Variants in HHLA1 observed in about 807,000 individuals in gnomAD.
HHLA1 encodes the protein HHLA1 neighbor of OC90.
Under a neutral mutation model 69.9 loss-of-function variants are expected in HHLA1, and 72 were observed. The ratio of observed to expected loss-of-function variants is 1.03; its 90% CI spans 0.85 to 1.25. The LOEUF (loss-of-function observed/expected upper bound fraction) is 1.25, where lower values mean the gene tolerates loss of function less well. Among genes scored for constraint, HHLA1 ranks in the 50% most tolerant of loss-of-function variants. HHLA1 has a pLI of 0.00. For synonymous variants in HHLA1, 252 were observed against 233.2 expected (o/e 1.08, Z -0.73); for missense variants, 685 against 642.2 (o/e 1.07, Z -0.72).
At chr8:132,086,810 G>A (rs1823872122) in intron 10 of HHLA1, among the ~76,000 whole-genome samples, 1 of 152,128 alleles carries the variant, frequency 6.6e-6, no homozygotes, top group South Asian at 2.1e-4. Context: ...ATCAAAAGAT[G>A]CCCTACAATA....
chr8:132,064,231 T>C (rs1345232775), intron 16 of HHLA1, among the ~76,000 whole-genome samples, 193 bp from the exon 17 acceptor site: 2 of 152,198 alleles, frequency 1.3e-5, no homozygotes, highest in Admixed American at 1.3e-4. Flanking sequence ...ACCCCATTGC[T>C]AGTTAGCATC....
intron 12 of HHLA1, among the ~76,000 whole-genome samples, chr8:132,076,993 G>A (rs1044270770): frequency 1.3e-5 from 2 of 152,074 alleles, no homozygotes; most frequent in Non-Finnish European, 2.9e-5. Context: ...AACAATTTTT[G>A]TATCATGTTC....
chr8:132,108,799 G>T (rs1327696696), intron 1 of HHLA1, among the ~76,000 whole-genome samples: 1 of 152,054 alleles, frequency 6.6e-6, no homozygotes, highest in Non-Finnish European at 1.5e-5. Context: ...AAGACGGAAA[G>T]TGGGTGCTGA....
In HHLA1 at chr8:132,079,945, G is replaced by A; in HGVS notation, c.698C>T (p.Ala233Val). Reference sequence around the variant, plus strand: ...TTTGGTTGTGGGCTTTGAAGTCCTGGCAGTTCCCCTGGTAGCTGCACCTTC... The same window carrying A: ...TTTGGTTGTGGGCTTTGAAGTCCTGACAGTTCCCCTGGTAGCTGCACCTTC... ...GVLGAATRGT[A>V]RTSKPTTKSQ... Residue 233 changes from alanine (A) to valine (V), a missense_variant, in exon 11 of 17, where the codon GCC becomes GTC. Ala to Val is a moderately conservative substitution (Grantham distance 64). Coordinates refer to ENST00000414222, the MANE Select transcript of HHLA1 (RefSeq NM_001145095.3). 1 of 1,552,326 alleles carries A rather than the reference G, an allele frequency of 6.4e-7. No individual in the cohort carries two copies. The highest frequency in any genetic ancestry group is 8.7e-7 in the Non-Finnish European group (1 of 1,147,128).
At chr8:132,088,495 T>C (rs564467102) in intron 8 of HHLA1, among the ~76,000 whole-genome samples, 46 of 152,264 alleles carry the variant, frequency 3.0e-4, no homozygotes, top group African/African-American at 1.1e-3. Flanking sequence ...ACTTCTGAAT[T>C]CCTAAACATA....
intron 4 of HHLA1, 135 bp from the exon 5 acceptor site, chr8:132,099,097 G>T: frequency 1.6e-6 from 1 of 628,234 alleles, no homozygotes; most frequent in Non-Finnish European, 2.8e-6. Flanking sequence ...CAGGCACGAG[G>T]GGTTCCAAGT....
intron 5 of HHLA1, among the ~76,000 whole-genome samples, chr8:132,096,521 T>A (rs945135783): frequency 3.3e-5 from 5 of 152,216 alleles, no homozygotes; most frequent in Admixed American, 2.0e-4. Flanking sequence ...GATTTTTTTT[T>A]AAACCAGGAA....
At chr8:132,104,042 C>T in intron 3 of HHLA1, 66 bp downstream of exon 3, 2 of 1,092,098 alleles carry the variant, frequency 1.8e-6, no homozygotes, top group South Asian at 1.3e-5. Flanking sequence ...GAAAGTCAGG[C>T]TTGGGGAAGT....
intron 10 of HHLA1, 50 bp from the exon 11 acceptor site, chr8:132,080,016 A>T: frequency 4.5e-6 from 7 of 1,551,102 alleles, no homozygotes; most frequent in Non-Finnish European, 6.1e-6. Context: ...CACTTTGGGC[A>T]TAAAAAAACT....
intron 7 of HHLA1, among the ~76,000 whole-genome samples, chr8:132,093,429 G>C (rs1823974443): frequency 6.6e-6 from 1 of 152,180 alleles, no homozygotes; most frequent in Non-Finnish European, 1.5e-5. Flanking sequence ...CTTTAGATCA[G>C]AGTTGAAAAC....
chr8:132,071,504 C>T lies in HHLA1; in HGVS notation c.1316-11G>A, dbSNP rs1395969244. 5.2e-6 allele frequency: 8 copies of T among 1,550,038 alleles called. No individual in the cohort carries two copies. Among genetic ancestry groups the T allele is most frequent in the South Asian group, 1.2e-5 (1 of 83,862 alleles). On this transcript the variant is annotated splice_polypyrimidine_tract_variant and intron_variant, in intron 14 of 16. Coordinates refer to ENST00000414222, the MANE Select transcript of HHLA1 (RefSeq NM_001145095.3). ...GTGGCTGAGGACACCCTAGAAGATG[C>T]AATCCCAGACCAATTAAATCAGTAA...
At chr8:132,101,382 C>G in intron 3 of HHLA1, 1 of 1,382,626 alleles carries the variant, frequency 7.2e-7, no homozygotes, top group East Asian at 2.6e-5. Context: ...AATGGATAAA[C>G]TGAAATCCCC....
At chr8:132,087,356 C>G (rs1289422972) in intron 10 of HHLA1, among the ~76,000 whole-genome samples, 3 of 152,046 alleles carry the variant, frequency 2.0e-5, no homozygotes, top group African/African-American at 4.8e-5. Context: ...TGGAAGGCAA[C>G]AGGGGGCAGA....
rs369879360 is a variant in HHLA1, at chr8:132,077,908, G to A, written c.989C>T (p.Ser330Leu). The A allele has an allele frequency of 2.2e-5, 34 of 1,551,402 alleles. No individual in the cohort carries two copies. The East Asian group carries it at 2.9e-4, about 13-fold the overall frequency. ...GATGGTCTGAGCCCAGGGCACGGAC[G>A]ATATGGAAGCCCACGTCTGTCTGTC... is the stretch of plus-strand genomic sequence containing the variant. Reference protein sequence around the residue: ...TADRQTWASISSVPWAQTISE... With the variant: ...TADRQTWASILSVPWAQTISE... Residue 330 changes from serine (S) to leucine (L), a missense_variant, in exon 12 of 17, where the codon TCG becomes TTG. Physicochemically the swap from Ser to Leu is moderately radical, Grantham distance 145 (BLOSUM62 -2). Coordinates refer to ENST00000414222, the MANE Select transcript of HHLA1 (RefSeq NM_001145095.3).
At chr8:132,066,964 G>A (rs969211901) in intron 15 of HHLA1, among the ~76,000 whole-genome samples, 2 of 152,144 alleles carry the variant, frequency 1.3e-5, no homozygotes, top group African/African-American at 2.4e-5. Flanking sequence ...GGACTTGGTG[G>A]TTCTATAGAG....
At chr8:132,073,602 A>T (rs1014907474) in intron 14 of HHLA1, among the ~76,000 whole-genome samples, 1 of 152,118 alleles carries the variant, frequency 6.6e-6, no homozygotes, top group Non-Finnish European at 1.5e-5. Context: ...ACAGGGAGTA[A>T]CTCCAGCAAG....
chr8:132,088,018 C>A (rs775670122), intron 8 of HHLA1, 117 bp from the exon 9 acceptor site: 3 of 774,166 alleles, frequency 3.9e-6, no homozygotes, highest in Admixed American at 4.4e-5. Flanking sequence ...GGAAAATAAG[C>A]CTGACTCTTT....
At chr8:132,078,079 G>C (rs2130882256) in intron 11 of HHLA1, 108 bp from the exon 12 acceptor site, 1 of 1,210,314 alleles carries the variant, frequency 8.3e-7, no homozygotes, top group South Asian at 1.5e-5. Context: ...AATGCAATGT[G>C]AACGTGTAAT....
intron 7 of HHLA1, among the ~76,000 whole-genome samples, chr8:132,093,214 C>T (rs1468107442): frequency 2.0e-5 from 3 of 152,072 alleles, no homozygotes; most frequent in Non-Finnish European, 4.4e-5. Flanking sequence ...GTGTAGACAG[C>T]CTTGGATAGC....
Sources: allele counts gnomAD v4.1 joint callset (sites outside exome capture counted in the v4.1 genomes callset), GRCh38; gene constraint gnomAD v4.1.1; transcripts MANE v1.5; gene names NCBI Gene and HGNC (gene_info 2026-07-23, HGNC 2026-07-21).